RIPOR3: variants seen among roughly 807,000 people sequenced by gnomAD.
RIPOR3 encodes RIPOR family member 3, also known as family with sequence similarity 65 member C.
A neutral mutation model predicts 114.3 loss-of-function variants in RIPOR3; 95 were observed. That is an observed-to-expected ratio of 0.83 (90% CI 0.70 to 0.99). The LOEUF (loss-of-function observed/expected upper bound fraction) is 0.99. Ranked by LOEUF, RIPOR3 falls within the 50% of genes least tolerant of loss-of-function variation. The probability of loss-of-function intolerance (pLI) is 0.00; values close to 1 mark genes in which losing one functional copy is unlikely to be tolerated. For missense variants in RIPOR3, 1,252 were observed against 1,266.9 expected, an observed-to-expected ratio of 0.99 and a Z score of 0.18; for synonymous variants, 575 against 543.8, an observed-to-expected ratio of 1.06 and a Z score of -0.80.
At position 50,609,633 on chromosome 20, in the gene RIPOR3, CG is replaced by C; in HGVS notation, c.515del (p.Pro172ArgfsTer41). The C allele has an allele frequency of 4.3e-6, 6 of 1,401,682 alleles. No homozygotes were observed. Among genetic ancestry groups the C allele is most frequent in the Admixed American group, 3.4e-5 (1 of 29,566 alleles). 86.8% of individuals were successfully genotyped at this position (1,401,682 alleles called of 1,614,324 possible). A position where few individuals can be genotyped will look rare whatever the true frequency, so the allele number is the denominator to read the frequency against. On this transcript the variant is annotated frameshift_variant, in exon 7 of 22. Transcript: ENST00000327979. LOFTEE classifies it high-confidence loss of function. ...SMQRAFARCP[P>X]SRAARESLQE... ...GCAGGCTCTCTCGGGCTGCGCGGCT[CG>C]GGGGGCACCGGGCGAAGGCCCGCTG...
intron 17 of RIPOR3, 21 bp downstream of exon 17, chr20:50,594,532 A>G: frequency 1.2e-6 from 2 of 1,605,038 alleles, no homozygotes; most frequent in African/African-American, 2.7e-5. Context: ...GGAGGGGACG[A>G]CAGGACAGAA....
At chr20:50,591,625 C>T (rs553508412) in intron 19 of RIPOR3, among the ~76,000 whole-genome samples, 1 of 152,336 alleles carries the variant, frequency 6.6e-6, no homozygotes, top group East Asian at 1.9e-4. Context: ...AGACTATGCC[C>T]TTGATGTCAC....
chr20:50,610,411 C>CA (rs2083935633), intron 6 of RIPOR3, among the ~76,000 whole-genome samples: 1 of 152,160 alleles, frequency 6.6e-6, no homozygotes, highest in African/African-American at 2.4e-5. Flanking sequence ...ACCCACTGGG[C>CA]AGTGTGGGGA....
At chr20:50,649,054 G>A (rs1199002919) in intron 1 of RIPOR3, among the ~76,000 whole-genome samples, 1 of 152,190 alleles carries the variant, frequency 6.6e-6, no homozygotes, top group Admixed American at 6.5e-5. Flanking sequence ...TTCTGGTCTT[G>A]TAGCTGCATG....
chr20:50,621,790 C>T (rs745841774), intron 2 of RIPOR3, among the ~76,000 whole-genome samples: 3 of 152,188 alleles, frequency 2.0e-5, no homozygotes, highest in Non-Finnish European at 2.9e-5. Context: ...TTACATGAGC[C>T]AACTGGCTCT....
intron 19 of RIPOR3, among the ~76,000 whole-genome samples, chr20:50,591,782 GTAAA>G (rs1325713649): frequency 1.3e-5 from 2 of 152,230 alleles, no homozygotes; most frequent in African/African-American, 4.8e-5. Context: ...TTAATTGAAA[GTAAA>G]TAAGGATGAC....
At chr20:50,663,094 C>CAAAAA (rs35856275) in intron 1 of RIPOR3, among the ~76,000 whole-genome samples, 2 of 69,344 alleles carry the variant, frequency 2.9e-5, no homozygotes, top group Admixed American at 1.6e-4. Flanking sequence ...GAGACTGTCT[C>CAAAAA]AAAAAAAAAA....
chr20:50,685,377 T>C (rs2086981973), intron 1 of RIPOR3, among the ~76,000 whole-genome samples: 1 of 151,758 alleles, frequency 6.6e-6, no homozygotes, highest in Admixed American at 6.6e-5. Flanking sequence ...CCACTGCGCC[T>C]GGCTAATTTT....
intron 5 of RIPOR3, 79 bp downstream of exon 5, chr20:50,611,101 CA>C: frequency 6.2e-7 from 1 of 1,607,214 alleles, no homozygotes; most frequent in Non-Finnish European, 8.5e-7. Flanking sequence ...GCCCATCAGG[CA>C]GCCAGGAAGA....
intron 2 of RIPOR3, among the ~76,000 whole-genome samples, chr20:50,628,325 C>T (rs191330692): frequency 6.6e-6 from 1 of 152,218 alleles, no homozygotes; most frequent in Admixed American, 6.5e-5. Context: ...GGCTCCCCTC[C>T]ACTGAGAATG....
At chr20:50,662,210 A>G (rs2086021902) in intron 1 of RIPOR3, 2 of 152,268 alleles carry the variant, frequency 1.3e-5, no homozygotes, top group African/African-American at 2.4e-5. Flanking sequence ...GGACCCTCTG[A>G]AGGAGGAGCC....
At chr20:50,613,452 C>T (rs2084043985) in intron 4 of RIPOR3, among the ~76,000 whole-genome samples, 1 of 150,104 alleles carries the variant, frequency 6.7e-6, no homozygotes. Context: ...GAATCCATCC[C>T]GAAAAAAAAG....
At chr20:50,652,306 C>T (rs531897099) in intron 1 of RIPOR3, among the ~76,000 whole-genome samples, 28 of 152,214 alleles carry the variant, frequency 1.8e-4, no homozygotes, top group South Asian at 8.3e-4. Context: ...AAGAAATCAC[C>T]GAGGCTGGGC....
At chr20:50,587,694 A>C in intron 21 of RIPOR3, 108 bp downstream of exon 21, 1 of 1,037,962 alleles carries the variant, frequency 9.6e-7, no homozygotes, top group Non-Finnish European at 1.4e-6. Flanking sequence ...TGCCCATCCC[A>C]GGTGCCCCAG....
rs772472811 is a variant in RIPOR3, at chr20:50,587,802, C to T, written c.2752G>A (p.Gly918Ser). The change falls in exon 21 of 22, where the codon GGT becomes AGT. Residue 918 changes from glycine (G) to serine (S), a missense_variant and splice_region_variant. Gly to Ser is a moderately conservative substitution (Grantham distance 56). Transcript: ENST00000327979. ...CTGCACAGTTTGTGCCACTTTTTACCGAACGACAGTGTGGTTTCCCGGGCT... is the reference window on the plus strand; with the variant it reads ...CTGCACAGTTTGTGCCACTTTTTACTGAACGACAGTGTGGTTTCCCGGGCT... ...AAARETTLSF[G>S]EKGRLAFEKM... 9.9e-6 allele frequency: 16 copies of T among 1,614,160 alleles called. No homozygotes were observed. The highest frequency in any genetic ancestry group is 8.8e-5 in the South Asian group (8 of 91,078).
At chr20:50,627,892 C>T (rs1018554119) in intron 2 of RIPOR3, among the ~76,000 whole-genome samples, 1 of 152,218 alleles carries the variant, frequency 6.6e-6, no homozygotes, top group South Asian at 2.1e-4. Context: ...ACAGGGTCTG[C>T]AGACCCTACC....
chr20:50,686,308 G>A (rs7270008), intron 1 of RIPOR3, among the ~76,000 whole-genome samples: 92,768 of 151,534 alleles, frequency 0.61, 29,198 homozygotes, highest in Middle Eastern at 0.7. Flanking sequence ...CACCCGCCTC[G>A]GCCTCCCAGA....
chr20:50,609,956 A>C (rs2083892875), intron 6 of RIPOR3, among the ~76,000 whole-genome samples: 3 of 135,506 alleles, frequency 2.2e-5, no homozygotes, highest in Admixed American at 7.4e-5. Flanking sequence ...CTCACCTGCC[A>C]CCACTGCCTC....
chr20:50,615,108 A>AGTGT (rs56136460), intron 4 of RIPOR3, among the ~76,000 whole-genome samples: 19,252 of 138,300 alleles, frequency 0.14, 1,407 homozygotes, highest in African/African-American at 0.2. Context: ...GCTATTTGTG[A>AGTGT]GTGTGTGTGT....
Sources: gnomAD v4.1 joint callset for allele counts (sites outside exome capture counted in the v4.1 genomes callset) on GRCh38, gnomAD v4.1.1 for gene constraint, MANE v1.5 for transcripts, NCBI Gene and HGNC (gene_info 2026-07-23, HGNC 2026-07-21) for gene names.